SMARCAL1: variants seen among roughly 807,000 people sequenced by gnomAD.
SMARCAL1 encodes the protein SNF2 related chromatin remodeling annealing helicase 1.
A neutral mutation model predicts 94.5 loss-of-function variants in SMARCAL1; 58 were observed. That is an observed-to-expected ratio of 0.61 (90% CI 0.50 to 0.76). The LOEUF is 0.76. Among genes scored for constraint, SMARCAL1 ranks in the 30% least tolerant of loss-of-function variants. SMARCAL1 has a pLI of 0.00. For missense variants in SMARCAL1, 1,051 were observed against 1,177.9 expected (o/e 0.89, Z 1.58); for synonymous variants, 422 against 455.1 (o/e 0.93, Z 0.93).
Position 216,416,279 on chromosome 2 carries a change from C to G in SMARCAL1, c.834C>G (p.Asn278Lys). 6.2e-7 allele frequency: 1 copy of G among 1,613,844 alleles called. No homozygotes were observed. The highest frequency in any genetic ancestry group is 8.5e-7 in the Non-Finnish European group (1 of 1,179,814). Residue 278 changes from asparagine to lysine, a missense_variant, in exon 4 of 18, where the codon AAC (asparagine) becomes AAG (lysine). Asn to Lys is a moderately conservative substitution (Grantham distance 94, BLOSUM62 0). Transcript: ENST00000357276. ...KNYDPDTKTW[N>K]FSMNDYSALM... is the part of the protein sequence containing the mutation. ...CAGATCCTGACACCAAGACGTGGAACTTCAGCATGAATGACTATAGTGCCC... is the reference window on the plus strand; with the variant it reads ...CAGATCCTGACACCAAGACGTGGAAGTTCAGCATGAATGACTATAGTGCCC...
intron 15 of SMARCAL1, 94 bp from the exon 16 acceptor site, chr2:216,477,015 G>A: frequency 1.0e-6 from 1 of 958,108 alleles, no homozygotes. Context: ...GGTTGTGGTG[G>A]GACTGGAAAT....
intron 10 of SMARCAL1, 125 bp downstream of exon 10, chr2:216,438,610 G>A (rs980376440): frequency 2.4e-5 from 19 of 792,464 alleles, no homozygotes; most frequent in South Asian, 1.6e-4. Flanking sequence ...GTCATGACTT[G>A]GCATTGACTT....
intron 6 of SMARCAL1, among the ~76,000 whole-genome samples, chr2:216,424,227 T>A (rs1290858258): frequency 6.6e-6 from 1 of 152,186 alleles, no homozygotes; most frequent in Non-Finnish European, 1.5e-5. Context: ...TGTGTACAGA[T>A]AGCATAAGTG....
chr2:216,464,823 A>G (rs1246957619), intron 13 of SMARCAL1, among the ~76,000 whole-genome samples, 156 bp downstream of exon 13: 3 of 152,214 alleles, frequency 2.0e-5, no homozygotes, highest in Non-Finnish European at 4.4e-5. Flanking sequence ...AAAATAAAAC[A>G]GATGATCAGA....
intron 6 of SMARCAL1, among the ~76,000 whole-genome samples, chr2:216,425,522 G>C (rs1195441108): frequency 6.6e-6 from 1 of 152,228 alleles, no homozygotes; most frequent in African/African-American, 2.4e-5. Context: ...TGGTTCGGCA[G>C]ACAGGAGCAT....
intron 10 of SMARCAL1, among the ~76,000 whole-genome samples, chr2:216,443,620 G>A (rs1694246661): frequency 6.6e-6 from 1 of 152,170 alleles, no homozygotes; most frequent in African/African-American, 2.4e-5. Flanking sequence ...GTTAAGGTTA[G>A]TACTATTCAG....
chr2:216,426,961 T>C (rs1365242970), intron 6 of SMARCAL1: 1 of 152,238 alleles, frequency 6.6e-6, no homozygotes, highest in Non-Finnish European at 1.5e-5. Context: ...TTATTTTCTT[T>C]AGTAAGGAGA....
At chr2:216,430,969 G>A (rs899822712) in intron 7 of SMARCAL1, among the ~76,000 whole-genome samples, 3 of 152,236 alleles carry the variant, frequency 2.0e-5, no homozygotes, top group South Asian at 2.1e-4. Flanking sequence ...AGGAGGCTGC[G>A]CCTGTTCTGG....
intron 11 of SMARCAL1, 23 bp downstream of exon 11, chr2:216,447,181 C>G: frequency 6.3e-7 from 1 of 1,595,776 alleles, no homozygotes; most frequent in Non-Finnish European, 8.6e-7. Context: ...TCTTCCCTCC[C>G]AGCCCACCCA....
In SMARCAL1 at chr2:216,415,136, T is replaced by C. The variant is rs2106014811; in HGVS notation, c.432T>C (p.Gly144=). The C allele has an allele frequency of 6.2e-7, 1 of 1,612,944 alleles. No homozygotes were observed. The highest frequency in any genetic ancestry group is 8.5e-7 in the Non-Finnish European group (1 of 1,179,230). ...PKQQLLSYEL[G]QGHAQASPEI... is the part of the protein sequence containing the mutation. ...AACAGCTCTTGAGTTATGAGTTAGG[T>C]CAAGGTCATGCTCAGGCTTCACCTG... Residue 144 remains glycine (G), a synonymous_variant, in exon 3 of 18, where the codon GGT becomes GGC. Coordinates refer to ENST00000357276, the MANE Select transcript of SMARCAL1 (RefSeq NM_014140.4).
intron 11 of SMARCAL1, among the ~76,000 whole-genome samples, chr2:216,448,120 G>A (rs1283008353): frequency 6.6e-6 from 1 of 152,182 alleles, no homozygotes; most frequent in East Asian, 1.9e-4. Context: ...GTAGTCCTTA[G>A]CATAGTTAAT....
intron 14 of SMARCAL1, among the ~76,000 whole-genome samples, chr2:216,470,344 G>A (rs1458179367): frequency 2.0e-5 from 3 of 151,810 alleles, no homozygotes; most frequent in Non-Finnish European, 1.5e-5. Context: ...TAGTAGAGAC[G>A]GGGTTCCACC....
intron 10 of SMARCAL1, chr2:216,446,812 A>T: frequency 1.5e-6 from 1 of 684,874 alleles, no homozygotes; most frequent in Non-Finnish European, 2.7e-6. Context: ...AAGTACTAGG[A>T]TAGAGCTCAG....
intron 14 of SMARCAL1, 131 bp downstream of exon 14, chr2:216,468,177 A>G: frequency 1.4e-6 from 1 of 701,810 alleles, no homozygotes; most frequent in Non-Finnish European, 2.6e-6. Context: ...TTTCTGAAGA[A>G]GAGTTCTTGC....
intron 6 of SMARCAL1, 121 bp downstream of exon 6, chr2:216,423,804 AC>A: frequency 5.7e-6 from 5 of 876,206 alleles, no homozygotes; most frequent in Non-Finnish European, 9.4e-6. Flanking sequence ...ATGCTTGAGT[AC>A]AGGGTAAGTA....
At chr2:216,473,802 C>T (rs1695013959) in intron 14 of SMARCAL1, among the ~76,000 whole-genome samples, 1 of 152,114 alleles carries the variant, frequency 6.6e-6, no homozygotes, top group Non-Finnish European at 1.5e-5. Flanking sequence ...CTAAACTAAA[C>T]ATGCAGTTAC....
rs1341201696 is a variant in SMARCAL1 at position 216,475,863 on chromosome 2, C to T, written c.2427+412C>T. Among the ~76,000 whole-genome samples the T allele has an allele frequency of 2.0e-5, 3 of 152,118 alleles. No homozygotes were observed. The highest frequency in any genetic ancestry group is 4.4e-5 in the Non-Finnish European group (3 of 68,020). ...ACGGGAAGGTTGAAGTCTTCCAGGG[C>T]TAGAAGGAATCTTGACTTCATGTCT... On this transcript the variant is annotated intron_variant, in intron 15 of 17. Transcript: ENST00000357276. This position sits in a 1 kb window ranked among gnomAD's most constrained non-coding sequence, Gnocchi z 4.4.
intron 9 of SMARCAL1, among the ~76,000 whole-genome samples, chr2:216,436,265 G>A (rs1452688266): frequency 2.6e-5 from 4 of 152,132 alleles, no homozygotes; most frequent in South Asian, 4.1e-4. Flanking sequence ...CACCTTGCCC[G>A]GCCTCTAATT....
intron 5 of SMARCAL1, among the ~76,000 whole-genome samples, 172 bp from the exon 6 acceptor site, chr2:216,423,461 C>T (rs1056261291): frequency 6.6e-6 from 1 of 152,180 alleles, no homozygotes; most frequent in African/African-American, 2.4e-5. Flanking sequence ...GGGGAAGCCT[C>T]CAGGGAAAGT....
Sources: allele counts gnomAD v4.1 joint callset (sites outside exome capture counted in the v4.1 genomes callset), GRCh38; gene constraint gnomAD v4.1.1; non-coding constraint Gnocchi (gnomAD v3.1); transcripts MANE v1.5; gene names NCBI Gene and HGNC (gene_info 2026-07-23, HGNC 2026-07-21).